GLIS3: variants seen among roughly 807,000 people sequenced by gnomAD.
GLIS3 encodes GLIS family zinc finger 3, also known as zinc finger protein GLIS3.
GLIS3 carries 53 observed loss-of-function variants against 78.6 expected under a neutral mutation model. That is an observed-to-expected ratio of 0.67 (90% CI 0.54 to 0.85). GLIS3 has a LOEUF of 0.85. Among genes scored for constraint, GLIS3 ranks in the 40% least tolerant of loss-of-function variants. The pLI, the probability that GLIS3 is intolerant of heterozygous loss-of-function variation, is 0.00. For synonymous variants in GLIS3, 684 were observed against 509.9 expected (o/e 1.34, Z -4.60); for missense variants, 1,703 against 1,231.1 (o/e 1.38, Z -5.74).
intron 2 of GLIS3, among the ~76,000 whole-genome samples, chr9:4,279,346 C>CACACACAG (rs1554646490): frequency 7.6e-6 from 1 of 130,722 alleles, no homozygotes; most frequent in African/African-American, 2.9e-5. Flanking sequence ...CACACACACA[C>CACACACAG]ACACACACAC....
intron 9 of GLIS3, among the ~76,000 whole-genome samples, chr9:3,854,429 G>A (rs537698585): frequency 2.6e-5 from 4 of 152,224 alleles, no homozygotes; most frequent in Middle Eastern, 3.4e-3. Context: ...TGAGATGGAC[G>A]GAACTTTGAG....
intron 2 of GLIS3, among the ~76,000 whole-genome samples, chr9:4,271,465 C>G (rs1383951579): frequency 6.6e-6 from 1 of 152,038 alleles, no homozygotes; most frequent in Non-Finnish European, 1.5e-5. Flanking sequence ...CTGAGTAACA[C>G]AGATACTAAA....
chr9:3,997,301 G>A (rs1009972678), intron 4 of GLIS3, among the ~76,000 whole-genome samples: 5 of 152,222 alleles, frequency 3.3e-5, no homozygotes, highest in Non-Finnish European at 5.9e-5. Flanking sequence ...AGCCGAGATC[G>A]CTGCATTGCA....
chr9:4,032,466 T>C (rs567778025), intron 4 of GLIS3, among the ~76,000 whole-genome samples: 7 of 152,168 alleles, frequency 4.6e-5, no homozygotes, highest in Admixed American at 1.3e-4. Flanking sequence ...TATTTTTATA[T>C]ATTTTTAAAA....
chr9:3,956,186 A>G (rs1322764792), intron 4 of GLIS3, among the ~76,000 whole-genome samples: 2 of 148,798 alleles, frequency 1.3e-5, no homozygotes, highest in Non-Finnish European at 3.0e-5. Context: ...CAGTTGAAAG[A>G]AAAAAAAAAT....
At chr9:4,363,793 G>A in the GLIS3 span, among the ~76,000 whole-genome samples, 9 of 152,148 alleles carry the variant, frequency 5.9e-5, no homozygotes, top group African/African-American at 1.4e-4. Context: ...AATATGCAAC[G>A]ATCATTGATC....
intron 9 of GLIS3, among the ~76,000 whole-genome samples, chr9:3,843,476 T>A (rs1013834239): frequency 5.9e-5 from 9 of 152,180 alleles, no homozygotes; most frequent in Admixed American, 6.5e-5. Context: ...GTGGATGTTG[T>A]ATTTGGGAAA....
chr9:4,460,536 G>A, the GLIS3 span, among the ~76,000 whole-genome samples: 1 of 152,134 alleles, frequency 6.6e-6, no homozygotes, highest in African/African-American at 2.4e-5. Flanking sequence ...CCTGGCTAGT[G>A]CAGGAAAAAC....
the GLIS3 span, among the ~76,000 whole-genome samples, chr9:4,433,834 T>C: frequency 5.3e-5 from 8 of 152,304 alleles, no homozygotes; most frequent in East Asian, 1.5e-3. Flanking sequence ...CCGCTGCTCA[T>C]GCCTGTAATC....
exon 1 of GLIS3, chr9:4,348,258 C>G (rs937135707): frequency 6.6e-6 from 1 of 152,132 alleles, no homozygotes; most frequent in Non-Finnish European, 1.5e-5. Context: ...AATAGGCCAT[C>G]CATGCTAATA....
At chr9:4,330,574 G>C (rs560525687) in intron 2 of GLIS3, among the ~76,000 whole-genome samples, 1 of 150,270 alleles carries the variant, frequency 6.7e-6, no homozygotes, top group African/African-American at 2.5e-5. Context: ...GAGATGAAGA[G>C]AGGTGGAGGT....
intron 6 of GLIS3, 33 bp downstream of exon 6, chr9:3,932,327 T>C: frequency 1.3e-6 from 2 of 1,513,456 alleles, no homozygotes; most frequent in Non-Finnish European, 9.2e-7. Context: ...TGAACATGCT[T>C]TTCCCGACTG....
chr9:4,380,998 T>C, the GLIS3 span, among the ~76,000 whole-genome samples: 1 of 151,906 alleles, frequency 6.6e-6, no homozygotes, highest in Non-Finnish European at 1.5e-5. Context: ...CAGGCAGAAA[T>C]GGCCAGAGGG....
intron 4 of GLIS3, among the ~76,000 whole-genome samples, chr9:4,057,271 A>T (rs774431356): frequency 4.0e-4 from 61 of 152,268 alleles, no homozygotes; most frequent in Non-Finnish European, 4.7e-4. Flanking sequence ...ATCATTTTAA[A>T]ATTCTTAATC....
At chr9:4,233,437 G>T (rs1041698307) in intron 2 of GLIS3, among the ~76,000 whole-genome samples, 1 of 152,174 alleles carries the variant, frequency 6.6e-6, no homozygotes, top group Non-Finnish European at 1.5e-5. Context: ...ATCTCCATCA[G>T]AGCTCTTCAG....
At chr9:4,181,920 A>G (rs1335600724) in intron 2 of GLIS3, among the ~76,000 whole-genome samples, 3 of 152,248 alleles carry the variant, frequency 2.0e-5, no homozygotes, top group African/African-American at 7.2e-5. Context: ...AGCCCAGACC[A>G]TAAGAAGCAC....
At chr9:4,403,065 G>T in the GLIS3 span, among the ~76,000 whole-genome samples, 1 of 152,138 alleles carries the variant, frequency 6.6e-6, no homozygotes, top group South Asian at 2.1e-4. Flanking sequence ...GATCCTAAAA[G>T]CAGCAAGAGA....
At chr9:4,483,388 GT>G in the GLIS3 span, among the ~76,000 whole-genome samples, 3 of 151,996 alleles carry the variant, frequency 2.0e-5, no homozygotes, top group African/African-American at 7.2e-5. Flanking sequence ...AACTCGGCTA[GT>G]TTTTTTTGTA....
intron 8 of GLIS3, among the ~76,000 whole-genome samples, chr9:3,877,837 TCA>T (rs747921116): frequency 3.3e-5 from 5 of 152,186 alleles, no homozygotes; most frequent in African/African-American, 4.8e-5. Flanking sequence ...CCTTCCAGGT[TCA>T]GTTACTCAAC....
Sources: gnomAD v4.1 joint callset for allele counts (sites outside exome capture counted in the v4.1 genomes callset) on GRCh38, gnomAD v4.1.1 for gene constraint, MANE v1.5 for transcripts, NCBI Gene and HGNC (gene_info 2026-07-23, HGNC 2026-07-21) for gene names.